Variants in FSIP1 observed in about 807,000 individuals in gnomAD.
The protein encoded by FSIP1 is fibrous sheath-interacting protein 1.
FSIP1 carries 65 observed loss-of-function variants against 60.9 expected under a neutral mutation model. The ratio of observed to expected loss-of-function variants is 1.07; its 90% CI spans 0.87 to 1.31. FSIP1 has a LOEUF of 1.31. FSIP1 is among the 40% of genes most tolerant of loss of function. FSIP1 has a pLI of 0.00. For synonymous variants in FSIP1, 209 were observed against 221.2 expected, an observed-to-expected ratio of 0.94 and a Z score of 0.49; for missense variants, 675 against 665.5, an observed-to-expected ratio of 1.01 and a Z score of -0.16.
intron 10 of FSIP1, among the ~76,000 whole-genome samples, chr15:39,660,901 A>G (rs2140452430): frequency 6.6e-6 from 1 of 152,206 alleles, no homozygotes; most frequent in Non-Finnish European, 1.5e-5. Context: ...CATCTCTACT[A>G]AAACTATAAA....
At chr15:39,762,318 C>T (rs938697767) in intron 5 of FSIP1, among the ~76,000 whole-genome samples, 1 of 152,222 alleles carries the variant, frequency 6.6e-6, no homozygotes, top group Non-Finnish European at 1.5e-5. Flanking sequence ...TTTTGGCTTA[C>T]AGCAATCCTT....
chr15:39,696,071 G>C (rs1399961876), intron 10 of FSIP1, among the ~76,000 whole-genome samples: 1 of 152,174 alleles, frequency 6.6e-6, no homozygotes, highest in Non-Finnish European at 1.5e-5. Context: ...AAATGCTTTT[G>C]ATGGATCACT....
chr15:39,743,445 AC>A (rs1470595418), intron 5 of FSIP1, among the ~76,000 whole-genome samples: 6 of 152,290 alleles, frequency 3.9e-5, no homozygotes, highest in African/African-American at 1.4e-4. Flanking sequence ...GAAAAAAAAA[AC>A]ATTTTCTGAA....
At chr15:39,619,929 A>G (rs1358684193) in intron 10 of FSIP1, among the ~76,000 whole-genome samples, 1 of 152,196 alleles carries the variant, frequency 6.6e-6, no homozygotes, top group Non-Finnish European at 1.5e-5. Context: ...GAGGATTGGT[A>G]GATTATCCAA....
intron 10 of FSIP1, among the ~76,000 whole-genome samples, chr15:39,681,273 T>C (rs1393411282): frequency 1.3e-5 from 2 of 151,430 alleles, no homozygotes; most frequent in Admixed American, 6.6e-5. Flanking sequence ...AAAAGGTTTA[T>C]AGTTTTTTGG....
At chr15:39,613,910 A>T (rs947068833) in intron 11 of FSIP1, among the ~76,000 whole-genome samples, 13 of 152,216 alleles carry the variant, frequency 8.5e-5, no homozygotes, top group African/African-American at 2.9e-4. Context: ...ACACCATTTC[A>T]TGATAAAAAT....
At chr15:39,689,738 G>A (rs994865398) in intron 10 of FSIP1, among the ~76,000 whole-genome samples, 2 of 152,110 alleles carry the variant, frequency 1.3e-5, no homozygotes, top group African/African-American at 4.8e-5. Flanking sequence ...TCAAATTACT[G>A]TATTTATAAT....
intron 10 of FSIP1, among the ~76,000 whole-genome samples, chr15:39,688,178 A>G (rs1894457978): frequency 6.6e-6 from 1 of 152,214 alleles, no homozygotes. Context: ...CACACCTAAA[A>G]GAAACCACAA....
At chr15:39,757,106 G>A (rs1011082738) in intron 5 of FSIP1, among the ~76,000 whole-genome samples, 2 of 151,836 alleles carry the variant, frequency 1.3e-5, no homozygotes, top group African/African-American at 4.8e-5. Flanking sequence ...AAACTGTGCT[G>A]GCAACAAAAA....
chr15:39,772,337 G>T (rs570124225), intron 2 of FSIP1, among the ~76,000 whole-genome samples: 1 of 152,282 alleles, frequency 6.6e-6, no homozygotes, highest in Admixed American at 6.5e-5. Flanking sequence ...CTGTCACCAA[G>T]GCTGGAGTGC....
intron 10 of FSIP1, among the ~76,000 whole-genome samples, chr15:39,660,411 G>C (rs1276369619): frequency 2.0e-5 from 3 of 152,160 alleles, no homozygotes; most frequent in South Asian, 2.1e-4. Flanking sequence ...AAAAGGGTAG[G>C]GGGAGGAGAG....
chr15:39,739,382 G>A (rs890895316), intron 7 of FSIP1, among the ~76,000 whole-genome samples: 3 of 152,194 alleles, frequency 2.0e-5, no homozygotes, highest in Non-Finnish European at 4.4e-5. Context: ...CTGAATAAAT[G>A]TTTTGCAAAT....
chr15:39,743,205 C>G (rs1160280972), intron 5 of FSIP1, among the ~76,000 whole-genome samples: 5 of 151,972 alleles, frequency 3.3e-5, no homozygotes, highest in East Asian at 3.8e-4. Flanking sequence ...TATGGAAAAC[C>G]CTCACAGGTG....
intron 10 of FSIP1, among the ~76,000 whole-genome samples, chr15:39,675,559 A>C (rs1893905418): frequency 6.6e-6 from 1 of 152,232 alleles, no homozygotes; most frequent in Admixed American, 6.5e-5. Flanking sequence ...AGATCTTGGC[A>C]GCATAATACA....
intron 10 of FSIP1, among the ~76,000 whole-genome samples, chr15:39,667,984 T>C (rs1454653892): frequency 6.6e-6 from 1 of 152,116 alleles, no homozygotes; most frequent in East Asian, 1.9e-4. Context: ...AAGCAGAGAA[T>C]AACATGACCA....
rs139103067 is a variant in FSIP1, at chr15:39,602,369, C to A, written c.1700-1443G>T. On this transcript the variant is annotated intron_variant, in intron 11 of 11. Coordinates refer to ENST00000350221, the MANE Select transcript of FSIP1 (RefSeq NM_152597.5). ...CTAGGGCCTCCAGGTGGCGTGTGGC[C>A]TTGGTGACACCTTGATTTCAAACTT... 1,473 of 455,816 alleles carry A rather than the reference C, an allele frequency of 3.2e-3. 20 individuals carry two copies. Among genetic ancestry groups the A allele is most frequent in the African/African-American group, 0.024 (1,178 of 50,106 alleles). 28.2% of individuals were successfully genotyped at this position (455,816 alleles called of 1,614,324 possible). A position where few individuals can be genotyped will look rare whatever the true frequency, so the allele number is the denominator to read the frequency against.
At chr15:39,651,517 T>C (rs1892868417) in intron 10 of FSIP1, among the ~76,000 whole-genome samples, 1 of 152,236 alleles carries the variant, frequency 6.6e-6, no homozygotes, top group Non-Finnish European at 1.5e-5. Flanking sequence ...GGCAAGTTAC[T>C]TCTCTAAGCC....
At chr15:39,692,180 G>A (rs548543164) in intron 10 of FSIP1, among the ~76,000 whole-genome samples, 93 of 152,160 alleles carry the variant, frequency 6.1e-4, no homozygotes, top group Non-Finnish European at 1.1e-3. Flanking sequence ...AGGGAGATGA[G>A]ACTTGTACGC....
chr15:39,733,853 A>G (rs1475184054), intron 8 of FSIP1, among the ~76,000 whole-genome samples: 1 of 152,204 alleles, frequency 6.6e-6, no homozygotes, highest in Non-Finnish European at 1.5e-5. Flanking sequence ...GGAGGACAGA[A>G]AGACATGAGC....
Sources: allele counts gnomAD v4.1 joint callset (sites outside exome capture counted in the v4.1 genomes callset), GRCh38; gene constraint gnomAD v4.1.1; transcripts MANE v1.5; gene names NCBI Gene and HGNC (gene_info 2026-07-23, HGNC 2026-07-21).